Variants in SPATA20 observed in about 807,000 individuals in gnomAD.
The protein encoded by SPATA20 is spermatogenesis-associated protein 20.
A neutral mutation model predicts 98.9 loss-of-function variants in SPATA20; 74 were observed. That is an observed-to-expected ratio of 0.75 (90% CI 0.62 to 0.91). The LOEUF is 0.91. Ranked by LOEUF, SPATA20 falls within the 40% of genes least tolerant of loss-of-function variation. SPATA20 has a pLI of 0.00. For synonymous variants in SPATA20, 430 were observed against 440.5 expected (o/e 0.98, Z 0.30); for missense variants, 1,016 against 1,069.8 (o/e 0.95, Z 0.70).
chr17:50,550,586 C>T lies in SPATA20; in HGVS notation c.1149C>T (p.Tyr383=), dbSNP rs759193419. The change falls in exon 10 of 17, where the codon TAC becomes TAT. Residue 383 remains tyrosine (Y), a synonymous_variant. Transcript: ENST00000006658. ...ACGTGGCCAAAGGCATCCTGCAGTA[C>T]GTGGCTCGGAGCCTGAGCCACCGGG... ...YSDVAKGILQ[Y]VARSLSHRSG... 47 of 1,614,028 alleles carry T rather than the reference C, an allele frequency of 2.9e-5. No individual in the cohort carries two copies. Among genetic ancestry groups the T allele is most frequent in the South Asian group, 6.6e-5 (6 of 91,092 alleles).
intron 1 of SPATA20, 42 bp downstream of exon 1, chr17:50,547,327 T>A: frequency 7.2e-7 from 1 of 1,394,416 alleles, no homozygotes; most frequent in Non-Finnish European, 9.3e-7. Flanking sequence ...TCCCTGCGCC[T>A]GCCTGCGGGC....
At chr17:50,549,571 C>G in intron 7 of SPATA20, 84 bp downstream of exon 7, 1 of 1,367,522 alleles carries the variant, frequency 7.3e-7, no homozygotes, top group South Asian at 1.3e-5. Context: ...CCTGGCCTCA[C>G]CCATAGCTTC....
chr17:50,549,030 C>T lies in SPATA20; in HGVS notation c.517-13C>T, dbSNP rs2144055558. The T allele has an allele frequency of 2.5e-6, 4 of 1,613,782 alleles. No individual in the cohort carries two copies. Among genetic ancestry groups the T allele is most frequent in the East Asian group, 2.2e-5 (1 of 44,882 alleles). ...CAGAGCAGCTCCCCTCACCCTCGCCCTCTCTCCGCCAGGCCACCAGCAGCG... is the reference window on the plus strand; with the variant it reads ...CAGAGCAGCTCCCCTCACCCTCGCCTTCTCTCCGCCAGGCCACCAGCAGCG... On this transcript the variant is annotated splice_polypyrimidine_tract_variant and intron_variant, in intron 5 of 16. Transcript: ENST00000006658.
At chr17:50,551,298 A>G in intron 12 of SPATA20, 108 bp downstream of exon 12, 1 of 1,244,722 alleles carries the variant, frequency 8.0e-7, no homozygotes, top group East Asian at 2.5e-5. Context: ...TAGCGTTATT[A>G]TTCTCAGTTG....
chr17:50,552,034 A>G lies in SPATA20; in HGVS notation c.1811A>G (p.Tyr604Cys), dbSNP rs201775783. Residue 604 changes from tyrosine (Y) to cysteine (C), a missense_variant, in exon 14 of 17, where the codon TAT (tyrosine) becomes TGT (cysteine). Coordinates refer to ENST00000006658, the MANE Select transcript of SPATA20 (RefSeq NM_022827.4). ...GTGGTGCGGGGCCTGCTGGACCTGT[A>G]TGAGGCCTCACAGGAGAGTGCGTGG... ...AFVVRGLLDL[Y>C]EASQESAWLE... 246 of 1,613,692 alleles carry G rather than the reference A, an allele frequency of 1.5e-4. No individual in the cohort carries two copies. The East Asian group carries it at 4.5e-3, about 30-fold the overall frequency.
Position 50,550,900 on chromosome 17 carries a change from A to T in SPATA20, c.1366A>T (p.Asn456Tyr). 6.2e-7 allele frequency: 1 copy of T among 1,612,978 alleles called. No homozygotes were observed. The highest frequency in any genetic ancestry group is 8.5e-7 in the Non-Finnish European group (1 of 1,179,936). Residue 456 changes from asparagine (N) to tyrosine (Y), a missense_variant, in exon 11 of 17, where the codon AAC (asparagine) becomes TAC (tyrosine). By Grantham distance (143) the Asn-to-Tyr change is moderately radical (BLOSUM62 -2). Transcript: ENST00000006658. ...GCACTACGGCCTCACAGAGGCTGGT[A>T]ACATCAGCCCCAGTCAGGTGAGGAC... ...MKHYGLTEAG[N>Y]ISPSQDPKGE...
At position 50,549,146 on chromosome 17, in the gene SPATA20, G is replaced by A. The variant is rs759027448; in HGVS notation, c.620G>A (p.Arg207Gln). ...TYFPPEDGLT[R>Q]VGFRTVLLRI... is the part of the protein sequence containing the mutation. ...TTCCCTCCTGAGGATGGCTTGACCC[G>A]AGTCGGCTTCCGCACAGTGTTGCTG... The change falls in exon 6 of 17, where the codon CGA becomes CAA. Residue 207 changes from arginine to glutamine, a missense_variant. Coordinates refer to ENST00000006658, the MANE Select transcript of SPATA20 (RefSeq NM_022827.4). 7.5e-6 allele frequency: 12 copies of A among 1,609,362 alleles called. No individual in the cohort carries two copies. The highest frequency in any genetic ancestry group is 2.2e-5 in the East Asian group (1 of 44,828).
rs62621401 is a variant in SPATA20, at chr17:50,550,799, A to G, written c.1265A>G (p.Lys422Arg). The change falls in exon 11 of 17, where the codon AAA becomes AGA. Residue 422 changes from lysine to arginine, a missense_variant. By Grantham distance (26) the Lys-to-Arg change is conservative. Transcript: ENST00000006658. The stretch of plus-strand genomic sequence containing the variant: ...GGCGCCTACTATGTGTGGACGGTCA[A>G]AGAGGTTCAGCAGCTCCTCCCGGAG... ...KEGAYYVWTV[K>R]EVQQLLPEPV... 0.029 allele frequency: 46,978 copies of G among 1,613,022 alleles called. 1,847 individuals carry two copies. The highest frequency in any genetic ancestry group is 0.18 in the Admixed American group (10,805 of 60,028).
chr17:50,551,490 ACTTGTCT>A lies in SPATA20; in HGVS notation c.1577-18_1577-12del, dbSNP rs1357193439. 2 of 1,585,324 alleles carry A rather than the reference ACTTGTCT, an allele frequency of 1.3e-6. No individual in the cohort carries two copies. The highest frequency in any genetic ancestry group is 2.7e-5 in the African/African-American group (2 of 74,506). On this transcript the variant is annotated splice_polypyrimidine_tract_variant and intron_variant, in intron 12 of 16. Transcript: ENST00000006658. Reference sequence around the variant, plus strand: ...GGGTCCTGGCCAGCTTCTTACCACTACTTGTCTCTCCTGGCTCCAGGCTTGATGGTGT... The same window carrying A: ...GGGTCCTGGCCAGCTTCTTACCACTACTCCTGGCTCCAGGCTTGATGGTGT...
intron 11 of SPATA20, 25 bp downstream of exon 11, chr17:50,550,942 C>G (rs199635516): frequency 2.4e-5 from 39 of 1,612,080 alleles, no homozygotes; most frequent in Non-Finnish European, 3.2e-5. Flanking sequence ...GGTCACCTGA[C>G]GGGCCCTGGT....
chr17:50,550,832 T>TG lies in SPATA20; in HGVS notation c.1301dup (p.Ala435CysfsTer22), dbSNP rs750686768. ...CAGCAGCTCCTCCCGGAGCCTGTGT[T>TG]GGGTGCCACCGAGCCGCTGACCTCA... On this transcript the variant is annotated frameshift_variant, in exon 11 of 17. Transcript: ENST00000006658. LOFTEE classifies it high-confidence loss of function. The TG allele has an allele frequency of 8.7e-6, 14 of 1,612,874 alleles. No homozygotes were observed. The highest frequency in any genetic ancestry group is 1.6e-4 in the Middle Eastern group (1 of 6,084).
rs1463518959 is a variant in SPATA20, at chr17:50,549,602, G to A, written c.862+115G>A. On this transcript the variant is annotated intron_variant, in intron 7 of 16. Transcript: ENST00000006658. ...GCTTCCTGTCCTCCTGACTGGCAGT[G>A]ACCTCCTTGCCCCTAGCCTGTCGGT... The A allele has an allele frequency of 6.4e-6, 7 of 1,097,294 alleles. No individual in the cohort carries two copies. The East Asian group carries it at 1.0e-4, about 16-fold the overall frequency. 68.0% of individuals were successfully genotyped at this position (1,097,294 alleles called of 1,614,324 possible).
intron 16 of SPATA20, 79 bp downstream of exon 16, chr17:50,555,391 C>T: frequency 6.3e-7 from 1 of 1,596,974 alleles, no homozygotes; most frequent in Admixed American, 1.7e-5. Context: ...CATCTCCTTC[C>T]CCTCAGAATG....
rs762333564 is a variant in SPATA20, at chr17:50,550,319, C to T, written c.1098+7C>T. 648 of 1,570,780 alleles carry T rather than the reference C, an allele frequency of 4.1e-4. No individual in the cohort carries two copies. The highest frequency in any genetic ancestry group is 4.0e-4 in the Non-Finnish European group (457 of 1,153,498). ...CTATTCGCAGGCCTTCCAGGTGACC[C>T]CTGACCCCAGCCCAGAGAACAGGCA... On this transcript the variant is annotated splice_region_variant and intron_variant, in intron 9 of 16. Coordinates refer to ENST00000006658, the MANE Select transcript of SPATA20 (RefSeq NM_022827.4).
rs781058097 is a variant in SPATA20 at position 50,552,164 on chromosome 17, C to G, written c.1941C>G (p.Pro647=). ...CSEAELGAGL[P]LRLKDDQDGA... Reference sequence around the variant, plus strand: ...AGGCTGAGCTGGGGGCTGGCCTGCCCCTGCGTCTGAAGGACGGTCAGTGGG... The same window carrying G: ...AGGCTGAGCTGGGGGCTGGCCTGCCGCTGCGTCTGAAGGACGGTCAGTGGG... Residue 647 remains proline (P), a synonymous_variant, in exon 14 of 17, where the codon CCC becomes CCG. Coordinates refer to ENST00000006658, the MANE Select transcript of SPATA20 (RefSeq NM_022827.4). The G allele has an allele frequency of 1.4e-5, 23 of 1,613,490 alleles. No homozygotes were observed. Among genetic ancestry groups the G allele is most frequent in the Admixed American group, 3.3e-5 (2 of 59,978 alleles).
chr17:50,554,522 CAG>C lies in SPATA20; in HGVS notation c.2157+73_2157+74del, dbSNP rs1392581973. 109 of 1,502,076 alleles carry C rather than the reference CAG, an allele frequency of 7.3e-5. 1 individual carries two copies. The East Asian group carries it at 1.4e-3, about 20-fold the overall frequency. The allele number at this position is 1,502,076 out of a possible 1,614,324, so 93.0% of individuals were successfully genotyped here. A position where few individuals can be genotyped will look rare whatever the true frequency, so the allele number is the denominator to read the frequency against. The stretch of plus-strand genomic sequence containing the variant: ...TTGGGGCTGCGATGGCAGATGGGAA[CAG>C]GGGGTGGGGTTCCTGGGCTGTCCCC... On this transcript the variant is annotated intron_variant, in intron 15 of 16. Transcript: ENST00000006658.
At chr17:50,553,308 G>C (rs1030202013) in intron 14 of SPATA20, among the ~76,000 whole-genome samples, 7 of 152,344 alleles carry the variant, frequency 4.6e-5, no homozygotes, top group Admixed American at 3.3e-4. Context: ...CCTTGGGAGA[G>C]AACCACAGAG....
chr17:50,553,453 T>C (rs6504674), intron 14 of SPATA20, among the ~76,000 whole-genome samples: 59,895 of 151,922 alleles, frequency 0.39, 14,847 homozygotes, highest in African/African-American at 0.7. Context: ...GAGCAGTGCA[T>C]GACAGGCCTG....
chr17:50,551,483 T>TA lies in SPATA20; in HGVS notation c.1577-27dup, dbSNP rs772701695. ...GCCTGGAGGGTCCTGGCCAGCTTCT[T>TA]ACCACTACTTGTCTCTCCTGGCTCC... On this transcript the variant is annotated intron_variant, in intron 12 of 16. Transcript: ENST00000006658. 8 of 1,582,518 alleles carry TA rather than the reference T, an allele frequency of 5.1e-6. No individual in the cohort carries two copies. The South Asian group carries it at 7.8e-5, about 16-fold the overall frequency.
Sources: allele counts gnomAD v4.1 joint callset (sites outside exome capture counted in the v4.1 genomes callset), GRCh38; gene constraint gnomAD v4.1.1; transcripts MANE v1.5; gene names NCBI Gene and HGNC (gene_info 2026-07-23, HGNC 2026-07-21).